The following NLGN1 variants were observed in gnomAD, a reference collection of about 807,000 sequenced individuals.
NLGN1 encodes neuroligin 1.
NLGN1 carries 12 observed loss-of-function variants against 65.5 expected under a neutral mutation model. That is an observed-to-expected ratio of 0.18 (90% CI 0.12 to 0.30). NLGN1 has a LOEUF of 0.30. NLGN1 is among the 10% of genes least tolerant of loss of function. NLGN1 has a pLI of 1.00. For missense variants in NLGN1, 750 were observed against 1,007.1 expected (o/e 0.74, Z 3.46); for synonymous variants, 350 against 359.5 (o/e 0.97, Z 0.30).
chr3:173,679,502 A>T (rs1763644128), intron 3 of NLGN1, among the ~76,000 whole-genome samples: 1 of 152,126 alleles, frequency 6.6e-6, no homozygotes, highest in African/African-American at 2.4e-5. Flanking sequence ...AGAAGCTAGA[A>T]AATTGGATAG....
chr3:173,947,414 G>A (rs1579351377), intron 4 of NLGN1, among the ~76,000 whole-genome samples: 1 of 152,184 alleles, frequency 6.6e-6, no homozygotes, highest in Middle Eastern at 3.4e-3. Flanking sequence ...TGTATGCCAG[G>A]CACTGTCCTT....
intron 4 of NLGN1, among the ~76,000 whole-genome samples, chr3:173,884,554 C>G (rs1733959906): frequency 6.6e-6 from 1 of 151,980 alleles, no homozygotes; most frequent in African/African-American, 2.4e-5. Context: ...TAAAAAGAAC[C>G]TACATACTTT....
intron 2 of NLGN1, among the ~76,000 whole-genome samples, chr3:173,598,047 CTTT>C (rs1287785415): frequency 2.0e-5 from 3 of 151,994 alleles, no homozygotes; most frequent in Non-Finnish European, 4.4e-5. Flanking sequence ...TTTTACAGTT[CTTT>C]ATTTATTATT....
intron 4 of NLGN1, among the ~76,000 whole-genome samples, chr3:174,196,389 T>A (rs1011925937): frequency 6.6e-6 from 1 of 152,184 alleles, no homozygotes; most frequent in Non-Finnish European, 1.5e-5. Context: ...AAATTATACT[T>A]ACTTAGATTT....
At chr3:173,467,639 C>T (rs1006093780) in intron 2 of NLGN1, among the ~76,000 whole-genome samples, 12 of 152,102 alleles carry the variant, frequency 7.9e-5, no homozygotes, top group African/African-American at 2.7e-4. Context: ...ATTCAGTCAT[C>T]ATCATGTTTA....
chr3:174,122,658 T>G (rs144725343), intron 4 of NLGN1, among the ~76,000 whole-genome samples: 1 of 152,100 alleles, frequency 6.6e-6, no homozygotes, highest in Non-Finnish European at 1.5e-5. Context: ...GATTTAACAA[T>G]GACGTTGTTT....
chr3:174,216,304 G>C (rs1298492536), intron 4 of NLGN1, among the ~76,000 whole-genome samples: 4 of 152,114 alleles, frequency 2.6e-5, no homozygotes, highest in African/African-American at 7.2e-5. Context: ...GAGACAAATA[G>C]AGGGACATAG....
intron 2 of NLGN1, among the ~76,000 whole-genome samples, chr3:173,590,704 A>T (rs570194515): frequency 1.1e-4 from 16 of 152,274 alleles, no homozygotes; most frequent in African/African-American, 3.8e-4. Flanking sequence ...TTTGCTTTTT[A>T]AAAAATGTAT....
chr3:173,474,925 T>C (rs1725938478), intron 2 of NLGN1, among the ~76,000 whole-genome samples: 1 of 151,590 alleles, frequency 6.6e-6, no homozygotes, highest in African/African-American at 2.4e-5. Flanking sequence ...GCCACTGCAC[T>C]CCAGCCTGGG....
intron 4 of NLGN1, among the ~76,000 whole-genome samples, chr3:173,956,166 T>C (rs1711981665): frequency 1.3e-5 from 2 of 152,088 alleles, no homozygotes; most frequent in South Asian, 4.1e-4. Context: ...TCCAAGCCTG[T>C]CTTTTTAAAA....
chr3:173,687,299 A>G (rs1764827190), intron 3 of NLGN1, among the ~76,000 whole-genome samples: 1 of 152,208 alleles, frequency 6.6e-6, no homozygotes, highest in African/African-American at 2.4e-5. Flanking sequence ...AATATTCTCT[A>G]CCCACACATG....
chr3:173,866,937 T>C (rs1451542550), intron 4 of NLGN1, among the ~76,000 whole-genome samples: 1 of 151,932 alleles, frequency 6.6e-6, no homozygotes, highest in Non-Finnish European at 1.5e-5. Context: ...TGGAAAAGAG[T>C]TACAAATGTA....
At chr3:173,866,717 C>A (rs1730253898) in intron 4 of NLGN1, among the ~76,000 whole-genome samples, 1 of 152,084 alleles carries the variant, frequency 6.6e-6, no homozygotes, top group Non-Finnish European at 1.5e-5. Context: ...TAATACATAG[C>A]CACTGAAGGG....
intron 4 of NLGN1, among the ~76,000 whole-genome samples, chr3:173,969,945 A>T (rs994706586): frequency 5.9e-5 from 9 of 151,942 alleles, no homozygotes; most frequent in African/African-American, 1.9e-4. Context: ...ACAAAATAAA[A>T]CATTTAATTG....
At chr3:174,049,421 C>T (rs116875810) in intron 4 of NLGN1, among the ~76,000 whole-genome samples, 1 of 151,940 alleles carries the variant, frequency 6.6e-6, no homozygotes, top group Non-Finnish European at 1.5e-5. Context: ...AAGGGTTGAG[C>T]AGGGATAAGC....
rs763856326 is a variant in NLGN1 at position 173,523,909 on chromosome 3, ATTTC to A, written c.-320-80361_-320-80358del. 8.9e-4 allele frequency among the ~76,000 whole-genome samples: 124 copies of A among 139,232 alleles called. 2 individuals carry two copies. Among genetic ancestry groups the A allele is most frequent in the Non-Finnish European group, 1.6e-3 (104 of 64,842 alleles). The allele number at this position is 139,232 out of a possible 152,430, so 91.3% of individuals were successfully genotyped here. ...TGAGCATGAGATGTTTTCTCATATA[ATTTC>A]TTTCTTTCCTTTTTTTTTTTTTTTT... On this transcript the variant is annotated intron_variant, in intron 2 of 6. Transcript: ENST00000457714.
intron 2 of NLGN1, among the ~76,000 whole-genome samples, chr3:173,442,522 T>A (rs1158688376): frequency 2.6e-5 from 4 of 152,172 alleles, no homozygotes; most frequent in Non-Finnish European, 5.9e-5. Flanking sequence ...TTTTTGTAAC[T>A]TCACTTTGTT....
At chr3:173,457,587 A>T (rs940229768) in intron 2 of NLGN1, among the ~76,000 whole-genome samples, 1 of 152,112 alleles carries the variant, frequency 6.6e-6, no homozygotes, top group Non-Finnish European at 1.5e-5. Flanking sequence ...TCCTATCTAT[A>T]TTTACAAAAG....
At chr3:174,283,471 T>C (rs1009712786) in exon 7 of NLGN1, 2 of 151,432 alleles carry the variant, frequency 1.3e-5, no homozygotes, top group African/African-American at 4.8e-5. Context: ...AAAAGGTCTA[T>C]TGAAAAGAAA....
Sources: allele counts gnomAD v4.1 joint callset (sites outside exome capture counted in the v4.1 genomes callset), GRCh38; gene constraint gnomAD v4.1.1; transcripts MANE v1.5; gene names NCBI Gene and HGNC (gene_info 2026-07-23, HGNC 2026-07-21).